The following PREX1 variants were observed in gnomAD, a reference collection of about 807,000 sequenced individuals.
PREX1 encodes the protein phosphatidylinositol 3,4,5-trisphosphate-dependent Rac exchanger 1 protein.
Under a neutral mutation model 198.3 loss-of-function variants are expected in PREX1, and 41 were observed. That is an observed-to-expected ratio of 0.21 (90% CI 0.16 to 0.27). The LOEUF is 0.27. PREX1 is among the 10% of genes least tolerant of loss of function. PREX1 has a pLI of 1.00. For missense variants in PREX1, 1,620 were observed against 2,200.7 expected (o/e 0.74, Z 5.28); for synonymous variants, 843 against 887.2 (o/e 0.95, Z 0.89).
chr20:48,719,523 T>C (rs1389178161), intron 5 of PREX1, among the ~76,000 whole-genome samples: 5 of 152,092 alleles, frequency 3.3e-5, no homozygotes, highest in Admixed American at 3.3e-4. Flanking sequence ...TGACTTCCTG[T>C]GCTTTCTCAG....
intron 1 of PREX1, among the ~76,000 whole-genome samples, chr20:48,759,348 G>A (rs1012901516): frequency 1.3e-5 from 2 of 151,856 alleles, no homozygotes; most frequent in Admixed American, 6.6e-5. Flanking sequence ...TCAGGAGTTC[G>A]CGACCAGCCT....
At chr20:48,733,395 T>C (rs1247437925) in intron 4 of PREX1, among the ~76,000 whole-genome samples, 1 of 152,180 alleles carries the variant, frequency 6.6e-6, no homozygotes, top group South Asian at 2.1e-4. Flanking sequence ...TCTACAGCAA[T>C]TGGTTCAGGG....
intron 3 of PREX1, among the ~76,000 whole-genome samples, chr20:48,737,639 T>A (rs1233310935): frequency 6.6e-6 from 1 of 152,010 alleles, no homozygotes; most frequent in Non-Finnish European, 1.5e-5. Flanking sequence ...ACAAAACCAA[T>A]CAGAGTTCCC....
the PREX1 span, among the ~76,000 whole-genome samples, chr20:48,872,560 A>G: frequency 3.9e-5 from 6 of 152,154 alleles, no homozygotes; most frequent in African/African-American, 1.4e-4. Flanking sequence ...CCTGGCTAAC[A>G]TGGTGAAACC....
intron 35 of PREX1, among the ~76,000 whole-genome samples, chr20:48,631,681 G>T (rs1369446488): frequency 6.6e-6 from 1 of 152,158 alleles, no homozygotes; most frequent in Non-Finnish European, 1.5e-5. Context: ...ATCTCCCTGG[G>T]GTCTTAATTC....
intron 1 of PREX1, among the ~76,000 whole-genome samples, chr20:48,822,383 G>A (rs907402934): frequency 6.6e-6 from 1 of 152,208 alleles, no homozygotes; most frequent in Non-Finnish European, 1.5e-5. Flanking sequence ...CATTACCTGG[G>A]TCCAAGTGCC....
rs777210635 is a variant in PREX1 at position 48,691,014 on chromosome 20, C to G, written c.1119G>C (p.Met373Ile). 1.9e-6 allele frequency: 3 copies of G among 1,614,278 alleles called. No homozygotes were observed. In the South Asian group the frequency reaches 3.3e-5, roughly 18 times the overall value. ...NTAKNKWFVCMAKTAEEKQKW... is the reference protein window; with the variant it reads ...NTAKNKWFVCIAKTAEEKQKW... The stretch of plus-strand genomic sequence containing the variant: ...TCTGCTTCTCCTCTGCCGTCTTGGC[C>G]ATGCAGACAAACCACTTATTCTTGG... Residue 373 changes from methionine (M) to isoleucine (I), a missense_variant, in exon 9 of 40, where the codon ATG becomes ATC. By Grantham distance (10) the Met-to-Ile change is conservative. Around this residue, in one of 7 missense-constraint regions of PREX1, gnomAD observed 488 missense variants for 802.5 expected, o/e 0.61. Transcript: ENST00000371941. The surrounding 1 kb of genome is among the most constrained non-coding windows in gnomAD (Gnocchi z 5.0).
At chr20:48,688,834 G>C (rs948268385) in intron 9 of PREX1, 30 bp from the exon 10 acceptor site, 31 of 1,612,882 alleles carry the variant, frequency 1.9e-5, no homozygotes, top group Non-Finnish European at 2.5e-5. Flanking sequence ...GCACTGGAGA[G>C]AGCACCAGGC....
intron 15 of PREX1, among the ~76,000 whole-genome samples, chr20:48,665,010 C>G (rs1243255453): frequency 2.5e-4 from 34 of 138,308 alleles, no homozygotes; most frequent in African/African-American, 9.1e-4. Context: ...ATTCTAATCC[C>G]GACTCCAGAC....
At chr20:48,806,878 G>A (rs2090414155) in intron 1 of PREX1, among the ~76,000 whole-genome samples, 1 of 152,190 alleles carries the variant, frequency 6.6e-6, no homozygotes, top group Non-Finnish European at 1.5e-5. Context: ...ATGGAGGGCT[G>A]GGGCTGGGGA....
chr20:48,838,977 G>C, the PREX1 span, among the ~76,000 whole-genome samples: 1 of 107,264 alleles, frequency 9.3e-6, no homozygotes, highest in Admixed American at 1.5e-4. Context: ...AGTGAGCCAA[G>C]ATCGTGACTC....
chr20:48,764,738 C>T (rs1444584270), intron 1 of PREX1, among the ~76,000 whole-genome samples: 2 of 147,286 alleles, frequency 1.4e-5, no homozygotes, highest in Non-Finnish European at 1.5e-5. Context: ...GCCAAGATAG[C>T]GCCACTACAC....
At position 48,684,688 on chromosome 20, in the gene PREX1, A is replaced by G. The variant is rs2089774098; in HGVS notation, c.1335-3353T>C. 6.6e-6 allele frequency among the ~76,000 whole-genome samples: 1 copy of G among 151,948 alleles called. No individual in the cohort carries two copies. Among genetic ancestry groups the G allele is most frequent in the African/African-American group, 2.4e-5 (1 of 41,348 alleles). ...ATCTGGATCCTCATCTCACTCCACT[A>G]CCGAGACTCCTCCAGTGGCTTCCCA... On this transcript the variant is annotated intron_variant, in intron 10 of 39. Transcript: ENST00000371941. The surrounding 1 kb of genome is among the most constrained non-coding windows in gnomAD (Gnocchi z 4.2).
intron 10 of PREX1, among the ~76,000 whole-genome samples, chr20:48,681,835 G>A (rs1279040789): frequency 1.3e-5 from 2 of 152,120 alleles, no homozygotes; most frequent in South Asian, 2.1e-4. Flanking sequence ...GTAGATGGGT[G>A]GATGGGTCAG....
intron 1 of PREX1, among the ~76,000 whole-genome samples, chr20:48,791,093 A>C (rs896695558): frequency 6.6e-6 from 1 of 152,174 alleles, no homozygotes; most frequent in Non-Finnish European, 1.5e-5. Context: ...ATGCAAGGAG[A>C]TATGCATGCA....
rs891432593 is a variant in PREX1, at chr20:48,827,445, G to C, written c.219+197C>G. 6.6e-6 allele frequency among the ~76,000 whole-genome samples: 1 copy of C among 152,188 alleles called. No homozygotes were observed. Among genetic ancestry groups the C allele is most frequent in the Non-Finnish European group, 1.5e-5 (1 of 68,004 alleles). On this transcript the variant is annotated intron_variant, in intron 1 of 39. Transcript: ENST00000371941. The surrounding 1 kb of genome is among the most constrained non-coding windows in gnomAD (Gnocchi z 4.1). ...GTGCGGGAGAGCCCCGGTCGGAGCA[G>C]GACCGTGCGCCGGCCAGGGAGGGAG...
At chr20:48,745,261 C>G in intron 2 of PREX1, 114 bp from the exon 3 acceptor site, 1 of 1,163,432 alleles carries the variant, frequency 8.6e-7, no homozygotes, top group South Asian at 1.7e-5. Flanking sequence ...AAGAAGAACT[C>G]TCAAACACCG....
chr20:48,659,872 C>T (rs376688300), intron 16 of PREX1, 47 bp downstream of exon 16: 9 of 1,611,486 alleles, frequency 5.6e-6, no homozygotes, highest in South Asian at 5.5e-5. Context: ...CCCATGCCTG[C>T]AGGGGGCTCT....
Position 48,650,134 on chromosome 20 carries a change from C to T in PREX1, c.2890G>A (p.Gly964Ser). 3.1e-6 allele frequency: 5 copies of T among 1,614,074 alleles called. No individual in the cohort carries two copies. Among genetic ancestry groups the T allele is most frequent in the Non-Finnish European group, 4.2e-6 (5 of 1,179,968 alleles). ...CAATTGGTGGGGCAGAAGTCCAGGC[C>T]ACACAGCGGGTGGGGCTCCAGGGGG... is the stretch of plus-strand genomic sequence containing the variant. Reference protein sequence around the residue: ...QAPLEPHPLCGLDFCPTNCHI... With the variant: ...QAPLEPHPLCSLDFCPTNCHI... Residue 964 changes from glycine (G) to serine (S), a missense_variant, in exon 24 of 40, where the codon GGC becomes AGC. Gly to Ser is a moderately conservative substitution (Grantham distance 56). This residue lies in a region of PREX1 where 514 missense variants were observed against 611.6 expected (regional missense o/e 0.84). Transcript: ENST00000371941.
Sources: gnomAD v4.1 joint callset for allele counts (sites outside exome capture counted in the v4.1 genomes callset) on GRCh38, gnomAD v4.1.1 for gene constraint, gnomAD v4.1.1 regional missense constraint, Gnocchi (gnomAD v3.1) non-coding constraint, MANE v1.5 for transcripts, NCBI Gene and HGNC (gene_info 2026-07-23, HGNC 2026-07-21) for gene names.